IP6K1: variants seen among roughly 807,000 people sequenced by gnomAD.
The protein encoded by IP6K1 is ATP:1D-myo-inositol-hexakisphosphate phosphotransferase.
A neutral mutation model predicts 38.3 loss-of-function variants in IP6K1; 13 were observed. The observed-to-expected ratio is 0.34, with a 90% CI of 0.22 to 0.54. IP6K1 has a LOEUF of 0.54. Among genes scored for constraint, IP6K1 ranks in the 20% least tolerant of loss-of-function variants. IP6K1 has a pLI of 0.92. For missense variants in IP6K1, 397 were observed against 599.8 expected (o/e 0.66, Z 3.53); for synonymous variants, 212 against 229.9 (o/e 0.92, Z 0.70).
intron 1 of IP6K1, among the ~76,000 whole-genome samples, chr3:49,753,713 TA>T (rs752386538): frequency 2.0e-4 from 31 of 152,310 alleles, no homozygotes; most frequent in Non-Finnish European, 4.4e-4. Context: ...TTTAAAATAT[TA>T]GGGTTATAAA....
Position 49,727,447 on chromosome 3 carries a change from G to A in IP6K1, c.1001C>T (p.Ser334Phe), listed in dbSNP as rs1342697827. The A allele has an allele frequency of 6.2e-7, 1 of 1,614,110 alleles. No homozygotes were observed. The highest frequency in any genetic ancestry group is 8.5e-7 in the Non-Finnish European group (1 of 1,180,038). Residue 334 changes from serine to phenylalanine, a missense_variant, in exon 6 of 6, where the codon TCC becomes TTC. Coordinates refer to ENST00000321599, the MANE Select transcript of IP6K1 (RefSeq NM_153273.4). This position sits in a 1 kb window ranked among gnomAD's most constrained non-coding sequence, Gnocchi z 5.9. ...RQASYRFYSS[S>F]LLVIYDGKEC... ...CTTGCCATCATAGATGACAAGCAGGGAACTGGAGTAGAAGCGGTAAGAGGC... is the reference window on the plus strand; with the variant it reads ...CTTGCCATCATAGATGACAAGCAGGAAACTGGAGTAGAAGCGGTAAGAGGC...
intron 1 of IP6K1, chr3:49,785,514 A>G (rs1575334458): frequency 6.6e-6 from 1 of 152,086 alleles, no homozygotes; most frequent in East Asian, 1.9e-4. Context: ...TCTCAAAAGA[A>G]AAAAAAGAAA....
At chr3:49,742,125 A>G (rs974801203) in intron 2 of IP6K1, among the ~76,000 whole-genome samples, 1 of 152,114 alleles carries the variant, frequency 6.6e-6, no homozygotes, top group Non-Finnish European at 1.5e-5. Context: ...CTTAGGATCT[A>G]CTTTATTTTC....
At chr3:49,749,836 T>C (rs2080756812) in intron 1 of IP6K1, among the ~76,000 whole-genome samples, 1 of 151,082 alleles carries the variant, frequency 6.6e-6, no homozygotes. Flanking sequence ...ACTTCTTTTT[T>C]TTTTTTTTTT....
intron 1 of IP6K1, among the ~76,000 whole-genome samples, chr3:49,777,624 A>G (rs2081028935): frequency 6.6e-6 from 1 of 150,622 alleles, no homozygotes; most frequent in Non-Finnish European, 1.5e-5. Flanking sequence ...TTTAAAAACA[A>G]TGATAAAGGG....
At chr3:49,783,015 G>T (rs2081080061) in intron 1 of IP6K1, among the ~76,000 whole-genome samples, 1 of 151,900 alleles carries the variant, frequency 6.6e-6, no homozygotes, top group Admixed American at 6.6e-5. Context: ...AGCTACTCGG[G>T]AGGCTGAGGC....
At chr3:49,781,147 T>C (rs1426535102) in intron 1 of IP6K1, among the ~76,000 whole-genome samples, 1 of 151,636 alleles carries the variant, frequency 6.6e-6, no homozygotes, top group African/African-American at 2.4e-5. Context: ...CTGCAACCTC[T>C]GCCTTCCAGG....
At chr3:49,766,111 GC>G (rs1158730594) in intron 1 of IP6K1, among the ~76,000 whole-genome samples, 4 of 152,134 alleles carry the variant, frequency 2.6e-5, no homozygotes, top group Non-Finnish European at 5.9e-5. Context: ...GGGAGGCGGA[GC>G]TTGCCGTGAG....
At chr3:49,738,651 T>G (rs2080637944) in intron 2 of IP6K1, among the ~76,000 whole-genome samples, 1 of 152,212 alleles carries the variant, frequency 6.6e-6, no homozygotes, top group East Asian at 1.9e-4. Context: ...TAAGTCTATA[T>G]TTCCCCTTCT....
chr3:49,776,913 A>G (rs890717005), intron 1 of IP6K1, among the ~76,000 whole-genome samples: 1 of 152,214 alleles, frequency 6.6e-6, no homozygotes, highest in Non-Finnish European at 1.5e-5. Flanking sequence ...GGAAAGGGAA[A>G]TAAGAGTACC....
intron 1 of IP6K1, among the ~76,000 whole-genome samples, chr3:49,749,886 G>A (rs2080757616): frequency 7.0e-6 from 1 of 142,592 alleles, no homozygotes; most frequent in Non-Finnish European, 1.5e-5. Flanking sequence ...AATACTACCT[G>A]GGACAAGGCA....
chr3:49,770,936 C>A (rs1163173435), intron 1 of IP6K1, among the ~76,000 whole-genome samples: 5 of 151,734 alleles, frequency 3.3e-5, no homozygotes, highest in African/African-American at 1.2e-4. Context: ...TATGCTGAGA[C>A]CTCCGTTGCT....
At chr3:49,785,275 A>AGG (rs61244502) in intron 1 of IP6K1, among the ~76,000 whole-genome samples, 1,786 of 151,760 alleles carry the variant, frequency 0.012, 11 homozygotes, top group African/African-American at 0.014. Context: ...TGGGAGGCCA[A>AGG]GGGGGGTGGA....
chr3:49,758,917 A>G (rs1317716404), intron 1 of IP6K1, among the ~76,000 whole-genome samples: 1 of 151,664 alleles, frequency 6.6e-6, no homozygotes, highest in African/African-American at 2.4e-5. Context: ...GCCAAGATCC[A>G]GCCTGGATGA....
chr3:49,749,689 GAAAAAACTACT>G (rs2080754897), intron 1 of IP6K1, among the ~76,000 whole-genome samples: 1 of 151,992 alleles, frequency 6.6e-6, no homozygotes, highest in South Asian at 2.1e-4. Context: ...CAAAAAGAAA[GAAAAAACTACT>G]GCAAAACTGC....
At chr3:49,766,001 C>A (rs1370165091) in intron 1 of IP6K1, among the ~76,000 whole-genome samples, 1 of 151,842 alleles carries the variant, frequency 6.6e-6, no homozygotes, top group African/African-American at 2.4e-5. Flanking sequence ...ATGGTGAAAG[C>A]CCGTCTCTAC....
chr3:49,754,628 C>T (rs2080807025), intron 1 of IP6K1, among the ~76,000 whole-genome samples: 1 of 151,882 alleles, frequency 6.6e-6, no homozygotes, highest in Non-Finnish European at 1.5e-5. Flanking sequence ...TTTAATGCAA[C>T]AACACATCAA....
At chr3:49,728,660 C>G (rs1269529992) in intron 4 of IP6K1, among the ~76,000 whole-genome samples, 3 of 152,104 alleles carry the variant, frequency 2.0e-5, no homozygotes, top group Non-Finnish European at 2.9e-5. Flanking sequence ...ACTGCAACCT[C>G]TGCATCCCAG....
chr3:49,782,486 TAAC>T (rs1450208922), intron 1 of IP6K1, among the ~76,000 whole-genome samples: 1 of 151,994 alleles, frequency 6.6e-6, no homozygotes, highest in Non-Finnish European at 1.5e-5. Flanking sequence ...TCTACTATTA[TAAC>T]AACAGTCTGA....
Sources: gnomAD v4.1 joint callset for allele counts (sites outside exome capture counted in the v4.1 genomes callset) on GRCh38, gnomAD v4.1.1 for gene constraint, Gnocchi (gnomAD v3.1) non-coding constraint, MANE v1.5 for transcripts, NCBI Gene and HGNC (gene_info 2026-07-23, HGNC 2026-07-21) for gene names.